SCNN1B: variants seen among roughly 807,000 people sequenced by gnomAD.
The protein encoded by SCNN1B is epithelial sodium channel subunit beta.
SCNN1B carries 46 observed loss-of-function variants against 65.3 expected under a neutral mutation model. That is an observed-to-expected ratio of 0.70 (90% confidence interval 0.56 to 0.90). SCNN1B has a LOEUF of 0.90. Among genes scored for constraint, SCNN1B ranks in the 40% least tolerant of loss-of-function variants. The pLI is 0.00. For missense variants in SCNN1B, 751 were observed against 830.5 expected, an observed-to-expected ratio of 0.90 and a Z score of 1.18; for synonymous variants, 349 against 330.6, an observed-to-expected ratio of 1.06 and a Z score of -0.60.
chr16:23,351,743 T>C (rs370869597), intron 2 of SCNN1B, among the ~76,000 whole-genome samples: 1 of 152,148 alleles, frequency 6.6e-6, no homozygotes, highest in East Asian at 1.9e-4. Context: ...TCTTGATAGA[T>C]CCATCTCTCA....
At chr16:23,304,144 G>C in intron 1 of SCNN1B, 2 of 1,434,742 alleles carry the variant, frequency 1.4e-6, no homozygotes, top group Non-Finnish European at 1.9e-6. Context: ...GTTATCTCTG[G>C]GTTAAGTTCA....
intron 2 of SCNN1B, among the ~76,000 whole-genome samples, chr16:23,286,360 A>T (rs1960850869): frequency 6.6e-6 from 1 of 152,128 alleles, no homozygotes; most frequent in Admixed American, 6.5e-5. Flanking sequence ...GGTTCCTGTG[A>T]TTCACAAGCA....
intron 1 of SCNN1B, among the ~76,000 whole-genome samples, chr16:23,343,607 G>GAAAGAAAGAA (rs1962115266): frequency 1.0e-5 from 1 of 99,556 alleles, no homozygotes; most frequent in African/African-American, 4.2e-5. Flanking sequence ...AAGAAAGAAA[G>GAAAGAAAGAA]AAAGAAAGAA....
In SCNN1B at chr16:23,380,605, C is replaced by A. The variant is rs1344447754; in HGVS notation, c.1727C>A (p.Pro576His). The change falls in exon 13 of 13, where the codon CCC (proline) becomes CAC (histidine). Residue 576 changes from proline (P) to histidine (H), a missense_variant. Coordinates refer to ENST00000343070, the MANE Select transcript of SCNN1B (RefSeq NM_000336.3). This position sits in a 1 kb window ranked among gnomAD's most constrained non-coding sequence, Gnocchi z 5.4. ...RAQASYAGPP[P>H]TVAELVEAHT... Reference sequence around the variant, plus strand: ...CAAGCCAGCTACGCTGGCCCACCGCCCACCGTGGCCGAGCTGGTGGAGGCC... The same window carrying A: ...CAAGCCAGCTACGCTGGCCCACCGCACACCGTGGCCGAGCTGGTGGAGGCC... 1.2e-6 allele frequency: 2 copies of A among 1,613,868 alleles called. No homozygotes were observed. Among genetic ancestry groups the A allele is most frequent in the Non-Finnish European group, 8.5e-7 (1 of 1,179,976 alleles).
chr16:23,321,996 G>A (rs150863990), intron 1 of SCNN1B, among the ~76,000 whole-genome samples: 26 of 152,210 alleles, frequency 1.7e-4, no homozygotes, highest in Non-Finnish European at 7.4e-5. Context: ...CTGTACTCTG[G>A]CCTGGGTGAC....
chr16:23,372,497 C>CTT lies in SCNN1B; in HGVS notation c.1152+628_1152+629dup, dbSNP rs200783041. Among the ~76,000 whole-genome samples, 1,127 of 137,450 alleles carry CTT rather than the reference C, an allele frequency of 8.2e-3. 13 individuals are homozygous for CTT. Among genetic ancestry groups the CTT allele is most frequent in the African/African-American group, 0.027 (1,009 of 37,240 alleles). 90.2% of individuals were successfully genotyped at this position (137,450 alleles called of 152,430 possible). ...CATCATCAATTTACCTGAGAAGTCCCTTTTTTTTTTTTTTTGAGATGGAGT... is the reference window on the plus strand; with the variant it reads ...CATCATCAATTTACCTGAGAAGTCCCTTTTTTTTTTTTTTTTTGAGATGGAGT... On this transcript the variant is annotated intron_variant, in intron 7 of 12. Coordinates refer to ENST00000343070, the MANE Select transcript of SCNN1B (RefSeq NM_000336.3).
intron 4 of SCNN1B, among the ~76,000 whole-genome samples, chr16:23,358,815 G>A (rs982738090): frequency 3.9e-5 from 6 of 152,308 alleles, no homozygotes; most frequent in African/African-American, 1.2e-4. Context: ...ACCGAGGCAC[G>A]AGAATCACTT....
chr16:23,307,016 A>T (rs1450819864), intron 1 of SCNN1B, among the ~76,000 whole-genome samples: 1 of 152,224 alleles, frequency 6.6e-6, no homozygotes, highest in Non-Finnish European at 1.5e-5. Context: ...CAGATGAGTT[A>T]GACTGAGGCT....
rs1186133665 is a variant in SCNN1B, at chr16:23,377,395, G to A, written c.1404+9G>A. 1.2e-6 allele frequency: 2 copies of A among 1,613,982 alleles called. No individual in the cohort carries two copies. The highest frequency in any genetic ancestry group is 1.7e-6 in the Non-Finnish European group (2 of 1,179,830). On this transcript the variant is annotated intron_variant, in intron 10 of 12. Transcript: ENST00000343070. ...CTTCTGAGGCCTCCGAGGTGAGACA[G>A]TTGGGGGCCAAGCTCCTGGCTCCCA...
Position 23,344,920 on chromosome 16 carries a change from G to A in SCNN1B, c.-8-3672G>A, listed in dbSNP as rs1291681922. On this transcript the variant is annotated intron_variant, in intron 1 of 12. Transcript: ENST00000343070. ...AAGGTGGGAGGATCACCTGAGCCCG[G>A]GAGGTGGAGGTTGCAGTGAGTCAAG... Among the ~76,000 whole-genome samples, 8 of 152,194 alleles carry A rather than the reference G, an allele frequency of 5.3e-5. No individual in the cohort carries two copies. The South Asian group carries it at 1.7e-3, about 32-fold the overall frequency.
At chr16:23,341,521 C>T (rs1017214245) in intron 1 of SCNN1B, among the ~76,000 whole-genome samples, 6 of 152,066 alleles carry the variant, frequency 3.9e-5, no homozygotes, top group African/African-American at 1.2e-4. Context: ...AAAAAGACAA[C>T]CCACAGAGAA....
At chr16:23,325,872 G>A (rs1961684569) in intron 1 of SCNN1B, among the ~76,000 whole-genome samples, 1 of 149,936 alleles carries the variant, frequency 6.7e-6, no homozygotes, top group Admixed American at 6.7e-5. Context: ...GGGCAACATA[G>A]TGAGACCCTG....
chr16:23,301,355 C>G (rs1961077635), upstream of SCNN1B, among the ~76,000 whole-genome samples: 1 of 59,190 alleles, frequency 1.7e-5, no homozygotes, highest in African/African-American at 3.5e-4. Flanking sequence ...GAGTGAGACT[C>G]TGTCAAAAAA....
chr16:23,280,447 G>A (rs1361940777), intron 1 of SCNN1B, among the ~76,000 whole-genome samples: 1 of 151,982 alleles, frequency 6.6e-6, no homozygotes, highest in Non-Finnish European at 1.5e-5. Flanking sequence ...TGGAACTCCT[G>A]GGATCAAGCA....
chr16:23,309,961 G>C (rs1376326136), intron 1 of SCNN1B, among the ~76,000 whole-genome samples: 3 of 152,202 alleles, frequency 2.0e-5, no homozygotes, highest in Non-Finnish European at 4.4e-5. Flanking sequence ...AATGATCTCA[G>C]CTCTACAAGA....
chr16:23,285,013 A>G (rs944390148), intron 2 of SCNN1B, among the ~76,000 whole-genome samples: 6 of 152,216 alleles, frequency 3.9e-5, no homozygotes, highest in African/African-American at 1.4e-4. Context: ...CACTTGCTCA[A>G]TTTGGACCAT....
At chr16:23,324,905 C>T (rs926956748) in intron 1 of SCNN1B, among the ~76,000 whole-genome samples, 1 of 152,240 alleles carries the variant, frequency 6.6e-6, no homozygotes, top group Admixed American at 6.5e-5. Context: ...CCCCCCAAGT[C>T]CTCTTTGTCC....
chr16:23,349,955 G>A (rs1962275109), intron 2 of SCNN1B, among the ~76,000 whole-genome samples: 1 of 152,018 alleles, frequency 6.6e-6, no homozygotes, highest in Admixed American at 6.6e-5. Flanking sequence ...GGCAATGCCT[G>A]TAATCTCAGC....
At chr16:23,375,060 C>T (rs190015672) in intron 7 of SCNN1B, among the ~76,000 whole-genome samples, 1 of 152,158 alleles carries the variant, frequency 6.6e-6, no homozygotes, top group Non-Finnish European at 1.5e-5. Context: ...TAGCTGGTCT[C>T]TGAGTGGACT....
Sources: allele counts gnomAD v4.1 joint callset (sites outside exome capture counted in the v4.1 genomes callset), GRCh38; gene constraint gnomAD v4.1.1; non-coding constraint Gnocchi (gnomAD v3.1); transcripts MANE v1.5; gene names NCBI Gene and HGNC (gene_info 2026-07-23, HGNC 2026-07-21).